CD247: variants seen among roughly 807,000 people sequenced by gnomAD.
CD247 encodes T-cell surface glycoprotein CD3 zeta chain.
CD247 carries 13 observed loss-of-function variants against 30.0 expected under a neutral mutation model. The observed-to-expected ratio is 0.43, with a 90% CI of 0.28 to 0.69. The LOEUF (loss-of-function observed/expected upper bound fraction) is 0.69, where lower values mean the gene tolerates loss of function less well. Ranked by LOEUF, CD247 falls within the 30% of genes least tolerant of loss-of-function variation. The probability of loss-of-function intolerance (pLI) is 0.16; values close to 1 mark genes in which losing one functional copy is unlikely to be tolerated. For missense variants in CD247, 193 were observed against 212.6 expected (o/e 0.91, Z 0.57); for synonymous variants, 72 against 80.0 (o/e 0.90, Z 0.53).
chr1:167,447,435 A>T (rs1652136583), intron 1 of CD247, among the ~76,000 whole-genome samples: 1 of 151,902 alleles, frequency 6.6e-6, no homozygotes, highest in African/African-American at 2.4e-5. Context: ...CCCAGCAATC[A>T]CTGGTGGAGA....
At chr1:167,439,204 G>A (rs1557994900) in intron 3 of CD247, 140 bp downstream of exon 3, 2 of 762,344 alleles carry the variant, frequency 2.6e-6, no homozygotes, top group Non-Finnish European at 4.8e-6. Context: ...AGAAAACTGA[G>A]GTTAAACAAG....
intron 1 of CD247, among the ~76,000 whole-genome samples, chr1:167,444,970 G>C (rs1339515627): frequency 2.0e-5 from 3 of 151,638 alleles, no homozygotes; most frequent in African/African-American, 7.3e-5. Flanking sequence ...CTGTTGCCCA[G>C]GCTGGAGTGC....
intron 1 of CD247, among the ~76,000 whole-genome samples, chr1:167,443,758 C>T (rs2102000285): frequency 6.6e-6 from 1 of 152,242 alleles, no homozygotes; most frequent in African/African-American, 2.4e-5. Context: ...TTTCTTTCTG[C>T]ATAGTTTTAT....
At chr1:167,434,792 T>C (rs1651448885) in intron 5 of CD247, 1 of 455,596 alleles carries the variant, frequency 2.2e-6, no homozygotes, top group African/African-American at 2.0e-5. Context: ...TAAGGAGACT[T>C]TCTAGAAGCA....
At chr1:167,501,356 G>A (rs1173190226) in intron 1 of CD247, among the ~76,000 whole-genome samples, 1 of 152,118 alleles carries the variant, frequency 6.6e-6, no homozygotes, top group Non-Finnish European at 1.5e-5. Flanking sequence ...ACTGCGCCCG[G>A]CCTCCTATTG....
intron 1 of CD247, among the ~76,000 whole-genome samples, chr1:167,450,595 G>A (rs1187648261): frequency 6.6e-6 from 1 of 152,158 alleles, no homozygotes; most frequent in Non-Finnish European, 1.5e-5. Flanking sequence ...GCAATTCGCA[G>A]AGACAGGAAA....
intron 4 of CD247, 88 bp from the exon 5 acceptor site, chr1:167,435,522 T>C: frequency 9.4e-7 from 1 of 1,059,254 alleles, no homozygotes; most frequent in South Asian, 1.3e-5. Flanking sequence ...GCCCCCTGAC[T>C]GCAGTTTCCT....
intron 1 of CD247, among the ~76,000 whole-genome samples, chr1:167,464,648 GT>G (rs1653161401): frequency 6.6e-6 from 1 of 152,160 alleles, no homozygotes; most frequent in African/African-American, 2.4e-5. Flanking sequence ...TATTCTAAAA[GT>G]AGAAAGCTGG....
intron 3 of CD247, 45 bp from the exon 4 acceptor site, chr1:167,438,695 A>T (rs1651668185): frequency 4.1e-6 from 6 of 1,454,566 alleles, no homozygotes; most frequent in African/African-American, 1.4e-5. Flanking sequence ...GAGGAACCTC[A>T]GAAGGATGGA....
At chr1:167,436,998 G>A (rs1651575358) in intron 4 of CD247, among the ~76,000 whole-genome samples, 1 of 152,174 alleles carries the variant, frequency 6.6e-6, no homozygotes, top group African/African-American at 2.4e-5. Context: ...AAGATTTGAA[G>A]TCTGCTTGTT....
chr1:167,473,864 C>T (rs766134478), intron 1 of CD247, among the ~76,000 whole-genome samples: 44 of 152,208 alleles, frequency 2.9e-4, no homozygotes, highest in East Asian at 3.8e-4. Context: ...CACTGACTCA[C>T]GGATCTGCTA....
At chr1:167,466,447 G>A (rs1571552160) in intron 1 of CD247, among the ~76,000 whole-genome samples, 1 of 151,648 alleles carries the variant, frequency 6.6e-6, no homozygotes, top group East Asian at 1.9e-4. Flanking sequence ...TAGAACTAAT[G>A]TTGTTGGGGA....
chr1:167,498,622 A>T (rs1407138644), intron 1 of CD247, among the ~76,000 whole-genome samples: 21 of 152,214 alleles, frequency 1.4e-4, no homozygotes, highest in Admixed American at 1.4e-3. Flanking sequence ...CATTTTCTTT[A>T]ATTATCCCAA....
intron 1 of CD247, among the ~76,000 whole-genome samples, chr1:167,505,683 G>A (rs1655085065): frequency 6.6e-6 from 1 of 152,258 alleles, no homozygotes; most frequent in Non-Finnish European, 1.5e-5. Flanking sequence ...GCAGAAGCTG[G>A]AGTGGAGGGA....
At chr1:167,516,547 C>G (rs1187963686) in intron 1 of CD247, among the ~76,000 whole-genome samples, 1 of 152,230 alleles carries the variant, frequency 6.6e-6, no homozygotes, top group Admixed American at 6.5e-5. Flanking sequence ...TCCGGGGAGA[C>G]TGTGGAGGTG....
At chr1:167,465,739 A>T (rs1164088538) in intron 1 of CD247, among the ~76,000 whole-genome samples, 1 of 152,154 alleles carries the variant, frequency 6.6e-6, no homozygotes, top group Non-Finnish European at 1.5e-5. Flanking sequence ...TATTTATTTC[A>T]CAGCAGCAGG....
intron 1 of CD247, chr1:167,448,364 C>T: frequency 1.0e-6 from 1 of 985,414 alleles, no homozygotes; most frequent in Non-Finnish European, 1.2e-6. Flanking sequence ...TGCTGATCCT[C>T]AGAGGTGGTG....
chr1:167,432,975 C>G (rs1468149141), intron 7 of CD247, 49 bp downstream of exon 7: 1 of 1,606,232 alleles, frequency 6.2e-7, no homozygotes, highest in Admixed American at 1.7e-5. Flanking sequence ...TGATCTTGCC[C>G]CTTGTCAGGT....
At chr1:167,431,951 C>T (rs953477663) in intron 7 of CD247, among the ~76,000 whole-genome samples, 12 of 152,188 alleles carry the variant, frequency 7.9e-5, no homozygotes, top group African/African-American at 2.4e-4. Flanking sequence ...TGTGCCCTGC[C>T]GGGAATGGCC....
Sources: gnomAD v4.1 joint callset for allele counts (sites outside exome capture counted in the v4.1 genomes callset) on GRCh38, gnomAD v4.1.1 for gene constraint, MANE v1.5 for transcripts, NCBI Gene and HGNC (gene_info 2026-07-23, HGNC 2026-07-21) for gene names.